PDE4D: variants seen among roughly 807,000 people sequenced by gnomAD.
PDE4D encodes phosphodiesterase 4D.
In PDE4D, 24 loss-of-function variants were observed where a neutral mutation model predicts 87.4. The observed-to-expected ratio is 0.27, with a 90% CI of 0.20 to 0.39. PDE4D has a LOEUF of 0.39. Ranked by LOEUF, PDE4D falls within the 10% of genes least tolerant of loss-of-function variation. The pLI is 1.00. For synonymous variants in PDE4D, 384 were observed against 383.2 expected (o/e 1.00, Z -0.02); for missense variants, 714 against 1,041.0 (o/e 0.69, Z 4.32).
chr5:60,310,312 G>C (rs926270974), intron 1 of PDE4D, among the ~76,000 whole-genome samples: 2 of 152,122 alleles, frequency 1.3e-5, no homozygotes, highest in Non-Finnish European at 2.9e-5. Context: ...ATTTTGAGAA[G>C]AACAATAAAA....
intron 1 of PDE4D, among the ~76,000 whole-genome samples, chr5:59,394,986 A>G (rs1312676714): frequency 2.0e-5 from 3 of 152,066 alleles, no homozygotes; most frequent in African/African-American, 4.8e-5. Context: ...CACCTGGAGA[A>G]TCGGGTCACT....
At chr5:60,072,647 G>C (rs1047939669) in intron 2 of PDE4D, among the ~76,000 whole-genome samples, 1 of 151,948 alleles carries the variant, frequency 6.6e-6, no homozygotes, top group Admixed American at 6.6e-5. Flanking sequence ...TGAGTTTTAC[G>C]TTTAAGTCTC....
At chr5:59,998,134 C>A (rs1763682504) in intron 2 of PDE4D, among the ~76,000 whole-genome samples, 1 of 152,300 alleles carries the variant, frequency 6.6e-6, no homozygotes, top group Non-Finnish European at 1.5e-5. Context: ...AACTGAGGAT[C>A]CTTCAGAGTT....
chr5:59,508,349 T>C (rs976908489), intron 1 of PDE4D, among the ~76,000 whole-genome samples: 2 of 152,182 alleles, frequency 1.3e-5, no homozygotes, highest in East Asian at 3.8e-4. Context: ...TAATCACAAG[T>C]GTATACTTGC....
At chr5:59,052,849 G>C (rs928747113) in intron 5 of PDE4D, among the ~76,000 whole-genome samples, 1 of 151,782 alleles carries the variant, frequency 6.6e-6, no homozygotes, top group Non-Finnish European at 1.5e-5. Context: ...CTTTTTTGGC[G>C]GTTCAGTTCA....
chr5:59,357,097 A>C, intron 1 of PDE4D: 1 of 382,378 alleles, frequency 2.6e-6, no homozygotes, highest in Non-Finnish European at 4.6e-6. Flanking sequence ...GCCTTATCTC[A>C]TAATTAACGT....
At chr5:59,827,049 A>G (rs138536039) in intron 1 of PDE4D, among the ~76,000 whole-genome samples, 1 of 152,074 alleles carries the variant, frequency 6.6e-6, no homozygotes. Context: ...TTAATTTTCA[A>G]TCCAGATTTA....
chr5:59,267,629 A>G (rs1279983082), intron 1 of PDE4D, among the ~76,000 whole-genome samples: 1 of 152,134 alleles, frequency 6.6e-6, no homozygotes, highest in Non-Finnish European at 1.5e-5. Context: ...ATAAAGAAGA[A>G]TTGGTTTATC....
At chr5:60,224,457 A>G (rs923648023) in intron 1 of PDE4D, among the ~76,000 whole-genome samples, 4 of 152,044 alleles carry the variant, frequency 2.6e-5, no homozygotes, top group Non-Finnish European at 4.4e-5. Flanking sequence ...CCCTTGGGTC[A>G]CTTGGTGGTG....
intron 5 of PDE4D, among the ~76,000 whole-genome samples, chr5:59,154,442 C>A (rs1294776991): frequency 6.6e-6 from 1 of 151,994 alleles, no homozygotes; most frequent in Non-Finnish European, 1.5e-5. Context: ...AAATAAAATG[C>A]TAAATGCAAC....
intron 1 of PDE4D, among the ~76,000 whole-genome samples, chr5:60,387,758 G>A (rs576701096): frequency 2.0e-5 from 3 of 152,180 alleles, no homozygotes; most frequent in Admixed American, 6.5e-5. Context: ...TCTGTTACCC[G>A]AAGTGTGGAG....
intron 1 of PDE4D, among the ~76,000 whole-genome samples, chr5:59,242,302 T>C (rs917495869): frequency 1.1e-4 from 16 of 152,280 alleles, no homozygotes; most frequent in Admixed American, 1.0e-3. Flanking sequence ...TATGGTGGCC[T>C]GGAGAACCTC....
At chr5:60,209,187 C>CTTTTTTT (rs58524375) in intron 1 of PDE4D, among the ~76,000 whole-genome samples, 660 of 107,854 alleles carry the variant, frequency 6.1e-3, no homozygotes, top group Non-Finnish European at 7.1e-3. Flanking sequence ...TTCTTTTTTT[C>CTTTTTTT]TTTTTTTTTT....
At chr5:60,447,743 C>A (rs73108664) in intron 1 of PDE4D, among the ~76,000 whole-genome samples, 21,193 of 151,978 alleles carry the variant, frequency 0.14, 1,608 homozygotes, top group African/African-American at 0.17. Context: ...TTAGCAGGGG[C>A]AAGCTGAGTA....
In PDE4D at chr5:60,108,373, T is replaced by TG. The variant is rs1777278686; in HGVS notation, c.42+77183dup. ...GGAAATAAAAGAGGATACAAACAAA[T>TG]GGAAGAACATTCCATGTTCATGGGT... On this transcript the variant is annotated intron_variant, in intron 2 of 16. Transcript: ENST00000502484. 3.9e-5 allele frequency among the ~76,000 whole-genome samples: 6 copies of TG among 152,104 alleles called. No homozygotes were observed. The South Asian group carries it at 1.2e-3, about 32-fold the overall frequency.
intron 2 of PDE4D, among the ~76,000 whole-genome samples, chr5:59,194,407 G>A (rs951808582): frequency 6.6e-6 from 1 of 152,176 alleles, no homozygotes; most frequent in Non-Finnish European, 1.5e-5. Context: ...CCTGAGAACA[G>A]TGCAAATAAA....
chr5:59,189,244 G>GTTTTTTTTTTTT lies in PDE4D; in HGVS notation c.685-3983_685-3982insAAAAAAAAAAAA, dbSNP rs1392753870. Among the ~76,000 whole-genome samples, 24 of 91,374 alleles carry GTTTTTTTTTTTT rather than the reference G, an allele frequency of 2.6e-4. 1 individual carries two copies. Among genetic ancestry groups the GTTTTTTTTTTTT allele is most frequent in the African/African-American group, 5.1e-4 (11 of 21,534 alleles). 59.9% of individuals were successfully genotyped at this position (91,374 alleles called of 152,430 possible). On this transcript the variant is annotated intron_variant, in intron 3 of 14. Transcript: ENST00000340635. ...TTGTTCCTACCCCGTTTTTTTTTTT[G>GTTTTTTTTTTTT]TTTTTTTTGTTTTTTTTTTTTTGAG...
chr5:59,981,508 G>A (rs1281967811), intron 3 of PDE4D, among the ~76,000 whole-genome samples: 1 of 152,066 alleles, frequency 6.6e-6, no homozygotes, highest in Non-Finnish European at 1.5e-5. Context: ...TTTTGGCATT[G>A]ATTACTTTTA....
intron 1 of PDE4D, among the ~76,000 whole-genome samples, chr5:59,772,386 G>A (rs894194484): frequency 5.3e-5 from 8 of 152,196 alleles, no homozygotes; most frequent in African/African-American, 1.4e-4. Context: ...GAAAGTGGGC[G>A]AAATGTTTTG....
Sources: allele counts gnomAD v4.1 joint callset (sites outside exome capture counted in the v4.1 genomes callset), GRCh38; gene constraint gnomAD v4.1.1; transcripts MANE v1.5; gene names NCBI Gene and HGNC (gene_info 2026-07-23, HGNC 2026-07-21).